CEP104: variants seen among roughly 807,000 people sequenced by gnomAD.
CEP104 encodes centrosomal protein of 104 kDa.
Under a neutral mutation model 113.3 loss-of-function variants are expected in CEP104, and 84 were observed. The observed-to-expected ratio is 0.74, with a 90% CI of 0.62 to 0.89. The LOEUF is 0.89. CEP104 is among the 40% of genes least tolerant of loss of function. CEP104 has a pLI of 0.00. For missense variants in CEP104, 1,053 were observed against 1,156.6 expected (o/e 0.91, Z 1.30); for synonymous variants, 378 against 421.7 (o/e 0.90, Z 1.27).
chr1:3,847,417 A>C lies in CEP104; in HGVS notation c.426+58T>G. On this transcript the variant is annotated intron_variant, in intron 4 of 21. Coordinates refer to ENST00000378230, the MANE Select transcript of CEP104 (RefSeq NM_014704.4). ...TGCATCTAAGAAAAGATACGTGACC[A>C]CATAATCCCACAAAGAAGGTAGGGG... The C allele has an allele frequency of 4.1e-6, 6 of 1,465,110 alleles. No homozygotes were observed. In the South Asian group the frequency reaches 8.1e-5, roughly 20 times the overall value. The allele number at this position is 1,465,110 out of a possible 1,614,324, so 90.8% of individuals were successfully genotyped here.
intron 11 of CEP104, among the ~76,000 whole-genome samples, chr1:3,834,494 C>A (rs1644274197): frequency 6.6e-6 from 1 of 152,238 alleles, no homozygotes; most frequent in Admixed American, 6.5e-5. Context: ...TATCTAACAG[C>A]CCTGCTTCAG....
In CEP104 at chr1:3,834,905, C is replaced by T. The variant is rs368037840; in HGVS notation, c.1485+20G>A. On this transcript the variant is annotated intron_variant, in intron 11 of 21. Coordinates refer to ENST00000378230, the MANE Select transcript of CEP104 (RefSeq NM_014704.4). ...TCTCATCCATGCACGCTGGAGCCAGCGCCAGCTGAGGGCACTCACGGAGGT... is the reference window on the plus strand; with the variant it reads ...TCTCATCCATGCACGCTGGAGCCAGTGCCAGCTGAGGGCACTCACGGAGGT... 2.0e-5 allele frequency: 32 copies of T among 1,562,544 alleles called. No individual in the cohort carries two copies. In the African/African-American group the frequency reaches 2.7e-4, roughly 13 times the overall value.
chr1:3,838,121 G>A (rs944838421), intron 8 of CEP104, among the ~76,000 whole-genome samples: 7 of 152,200 alleles, frequency 4.6e-5, no homozygotes, highest in South Asian at 4.2e-4. Context: ...GGTGGTGCCC[G>A]GATTTGAACC....
rs938722095 is a variant in CEP104, at chr1:3,812,547, A to G, written c.*2855T>C. The G allele has an allele frequency of 1.3e-5, 2 of 152,190 alleles. No individual in the cohort carries two copies. The highest frequency in any genetic ancestry group is 4.8e-5 in the African/African-American group (2 of 41,444). The allele number at this position is 152,190 out of a possible 1,614,324, so 9.4% of individuals were successfully genotyped here. A position where few individuals can be genotyped will look rare whatever the true frequency, so the allele number is the denominator to read the frequency against. On this transcript the variant is annotated 3_prime_UTR_variant, in exon 22 of 22. Transcript: ENST00000378230. ...CACTGGTAGGATCATTTCAACAAAA[A>G]CACATGATTGGGCCGGGCGCGGTGG...
chr1:3,856,439 T>C (rs1016751334), intron 1 of CEP104, among the ~76,000 whole-genome samples: 2 of 152,234 alleles, frequency 1.3e-5, no homozygotes, highest in African/African-American at 4.8e-5. Flanking sequence ...CAGAGAAATC[T>C]GAACTTAAGT....
At chr1:3,839,998 A>G (rs745805589) in intron 6 of CEP104, among the ~76,000 whole-genome samples, 5 of 152,200 alleles carry the variant, frequency 3.3e-5, no homozygotes, top group Non-Finnish European at 5.9e-5. Context: ...GCTCTTGACC[A>G]TGGACCAAAC....
chr1:3,823,786 C>T lies in CEP104; in HGVS notation c.2365-224G>A, dbSNP rs140780107. Among the ~76,000 whole-genome samples the T allele has an allele frequency of 1.1e-4, 16 of 152,316 alleles. No homozygotes were observed. Among genetic ancestry groups the T allele is most frequent in the South Asian group, 4.1e-4 (2 of 4,832 alleles). On this transcript the variant is annotated intron_variant, in intron 18 of 21. Coordinates refer to ENST00000378230, the MANE Select transcript of CEP104 (RefSeq NM_014704.4). The surrounding 1 kb of genome is among the most constrained non-coding windows in gnomAD (Gnocchi z 4.1). ...CGTCCTTCCTTTCCTGTCATCTTAG[C>T]ATCGGGCAGGGGCCACTGTCAAGGA... is the stretch of plus-strand genomic sequence containing the variant.
In CEP104 at chr1:3,838,952, T is replaced by C; in HGVS notation, c.891+12A>G. The C allele has an allele frequency of 6.2e-7, 1 of 1,613,826 alleles. No individual in the cohort carries two copies. The highest frequency in any genetic ancestry group is 2.2e-5 in the East Asian group (1 of 44,860). ...AGGCTTTCCTCCACTCCGTCTGGGC[T>C]CCTGCACCCACCAGCTCGGCATCCA... On this transcript the variant is annotated intron_variant, in intron 8 of 21. Transcript: ENST00000378230.
At chr1:3,844,169 T>C (rs1040344589) in intron 6 of CEP104, among the ~76,000 whole-genome samples, 8 of 152,250 alleles carry the variant, frequency 5.3e-5, no homozygotes, top group African/African-American at 1.9e-4. Context: ...CCTGGGTCCA[T>C]TAATATCTTT....
At chr1:3,816,416 C>A (rs188855232) in intron 20 of CEP104, 46 bp from the exon 21 acceptor site, 76 of 1,461,236 alleles carry the variant, frequency 5.2e-5, no homozygotes, top group Non-Finnish European at 6.5e-5. Flanking sequence ...CGAGACGGAC[C>A]TGGCACGCTA....
At chr1:3,852,443 ACTT>A (rs1314293759) in intron 1 of CEP104, 22 bp from the exon 2 acceptor site, 1 of 1,591,238 alleles carries the variant, frequency 6.3e-7, no homozygotes, top group South Asian at 1.1e-5. Context: ...AGCAGGAAAA[ACTT>A]CTTTAAAACA....
Position 3,829,616 on chromosome 1 carries a change from A to G in CEP104, c.2043+175T>C, listed in dbSNP as rs895535502. 6.9e-6 allele frequency: 5 copies of G among 725,680 alleles called. No individual in the cohort carries two copies. In the African/African-American group the frequency reaches 7.1e-5, roughly 10 times the overall value. 45.0% of individuals were successfully genotyped at this position (725,680 alleles called of 1,614,324 possible). The stretch of plus-strand genomic sequence containing the variant: ...GGGAACCTAAGGGTCTCACTGGCAG[A>G]AAGTGGAGCAGCCGGGATCTGAATG... On this transcript the variant is annotated intron_variant, in intron 14 of 21. Coordinates refer to ENST00000378230, the MANE Select transcript of CEP104 (RefSeq NM_014704.4).
chr1:3,818,477 T>C (rs904767815), intron 20 of CEP104, among the ~76,000 whole-genome samples: 7 of 152,194 alleles, frequency 4.6e-5, no homozygotes, highest in African/African-American at 1.4e-4. Flanking sequence ...GCAGTGTGTG[T>C]CCAGAATCTG....
At chr1:3,820,543 G>A (rs1315756251) in intron 20 of CEP104, among the ~76,000 whole-genome samples, 2 of 152,210 alleles carry the variant, frequency 1.3e-5, no homozygotes, top group African/African-American at 4.8e-5. Flanking sequence ...GCAGGATGGC[G>A]GCCTCTGTCC....
At chr1:3,821,268 G>C (rs1643967560) in intron 20 of CEP104, among the ~76,000 whole-genome samples, 1 of 152,236 alleles carries the variant, frequency 6.6e-6, no homozygotes, top group African/African-American at 2.4e-5. Context: ...ATAGGCTAGA[G>C]CTGGGATAAT....
At chr1:3,855,624 C>T (rs1162804675) in intron 1 of CEP104, among the ~76,000 whole-genome samples, 2 of 152,112 alleles carry the variant, frequency 1.3e-5, no homozygotes, top group African/African-American at 4.8e-5. Flanking sequence ...GAGAAATGCA[C>T]AGGGACTGTG....
intron 20 of CEP104, among the ~76,000 whole-genome samples, chr1:3,821,349 C>T (rs1405624304): frequency 2.0e-5 from 3 of 152,200 alleles, no homozygotes; most frequent in African/African-American, 4.8e-5. Flanking sequence ...TGGTTCATAA[C>T]GACACTACAG....
In CEP104 at chr1:3,844,913, T is replaced by C. The variant is rs749228961; in HGVS notation, c.560A>G (p.Tyr187Cys). 5 of 1,613,266 alleles carry C rather than the reference T, an allele frequency of 3.1e-6. No homozygotes were observed. The African/African-American group carries it at 6.7e-5, about 22-fold the overall frequency. The change falls in exon 6 of 22, where the codon TAC becomes TGC. Residue 187 changes from tyrosine (Y) to cysteine (C), a missense_variant. Transcript: ENST00000378230. The stretch of plus-strand genomic sequence containing the variant: ...TGGGGAGCAGGACTCTTACCTGGCG[T>C]ACGTTCCTTCTAGAGCAGGGTCCTC... ...NSEDPALEGT[Y>C]ARKSDYISPL...
rs573917268 is a variant in CEP104 at position 3,853,276 on chromosome 1, T to C, written c.-14-855A>G. ...AAGTACAAAAAGGTTCATGCAGAGT[T>C]AGGTTGAGGGACTGACTCACAGGAC... is the stretch of plus-strand genomic sequence containing the variant. On this transcript the variant is annotated intron_variant, in intron 1 of 21. Coordinates refer to ENST00000378230, the MANE Select transcript of CEP104 (RefSeq NM_014704.4). Among the ~76,000 whole-genome samples the C allele has an allele frequency of 4.6e-5, 7 of 152,270 alleles. No individual in the cohort carries two copies. The South Asian group carries it at 1.5e-3, about 32-fold the overall frequency.
Sources: allele counts gnomAD v4.1 joint callset (sites outside exome capture counted in the v4.1 genomes callset), GRCh38; gene constraint gnomAD v4.1.1; non-coding constraint Gnocchi (gnomAD v3.1); transcripts MANE v1.5; gene names NCBI Gene and HGNC (gene_info 2026-07-23, HGNC 2026-07-21).